Variants in PGAP1 observed in about 807,000 individuals in gnomAD.
PGAP1 encodes post-GPI attachment to proteins inositol deacylase 1.
A neutral mutation model predicts 127.0 loss-of-function variants in PGAP1; 76 were observed. The ratio of observed to expected loss-of-function variants is 0.60; its 90% CI spans 0.50 to 0.72. The LOEUF (loss-of-function observed/expected upper bound fraction) is 0.72. Ranked by LOEUF, PGAP1 falls within the 30% of genes least tolerant of loss-of-function variation. The probability of loss-of-function intolerance (pLI) is 0.00; values close to 1 mark genes in which losing one functional copy is unlikely to be tolerated. For missense variants in PGAP1, 982 were observed against 1,071.3 expected (o/e 0.92, Z 1.16); for synonymous variants, 362 against 366.5 (o/e 0.99, Z 0.14).
chr2:196,845,344 C>A (rs1319693464), intron 23 of PGAP1, among the ~76,000 whole-genome samples: 1 of 150,488 alleles, frequency 6.6e-6, no homozygotes, highest in African/African-American at 2.5e-5. Context: ...ACTTGTATTA[C>A]CTCCTGGATT....
chr2:196,846,073 C>A, intron 22 of PGAP1, 56 bp from the exon 23 acceptor site: 1 of 1,122,116 alleles, frequency 8.9e-7, no homozygotes, highest in South Asian at 2.1e-5. Flanking sequence ...TATATAGTCA[C>A]ATATAAGAAG....
chr2:196,843,589 C>T (rs963121049), intron 25 of PGAP1, among the ~76,000 whole-genome samples: 6 of 151,900 alleles, frequency 3.9e-5, no homozygotes, highest in African/African-American at 4.8e-5. Flanking sequence ...TTTATATTCC[C>T]GAAGTTTATA....
chr2:196,925,259 A>G (rs2125844522), intron 1 of PGAP1, among the ~76,000 whole-genome samples: 1 of 152,298 alleles, frequency 6.6e-6, no homozygotes, highest in East Asian at 1.9e-4. Context: ...TTTAAACCTT[A>G]AGTAGTCTTA....
rs149358908 is a variant in PGAP1 at position 196,880,867 on chromosome 2, T to C, written c.1273-714A>G. On this transcript the variant is annotated intron_variant, in intron 12 of 26. Transcript: ENST00000354764. ...GGTTTTTTTGTTTTCTTTCTTGTTT[T>C]AATTTAACTTTTATTTTAAGTTCAG... 2.0e-5 allele frequency among the ~76,000 whole-genome samples: 3 copies of C among 152,334 alleles called. No individual in the cohort carries two copies. The East Asian group carries it at 5.8e-4, about 29-fold the overall frequency.
intron 7 of PGAP1, among the ~76,000 whole-genome samples, chr2:196,894,574 G>A (rs377550506): frequency 6.6e-6 from 1 of 152,062 alleles, no homozygotes; most frequent in African/African-American, 2.4e-5. Context: ...AGGCCAAGAC[G>A]GGTGGATCAC....
At chr2:196,891,052 G>A (rs1238705472) in intron 9 of PGAP1, 141 bp from the exon 10 acceptor site, 4 of 554,678 alleles carry the variant, frequency 7.2e-6, no homozygotes, top group Non-Finnish European at 1.3e-5. Context: ...CTAGGAGTGG[G>A]AGAAGGAAGA....
chr2:196,874,820 C>A (rs994181248), intron 14 of PGAP1, among the ~76,000 whole-genome samples: 5 of 152,088 alleles, frequency 3.3e-5, no homozygotes, highest in African/African-American at 1.2e-4. Flanking sequence ...CTGAGACCAG[C>A]CTGGGCAATA....
At chr2:196,862,747 T>C (rs956733555) in intron 20 of PGAP1, among the ~76,000 whole-genome samples, 1 of 152,148 alleles carries the variant, frequency 6.6e-6, no homozygotes, top group Non-Finnish European at 1.5e-5. Flanking sequence ...CCCTGATACC[T>C]GTCTCTACTA....
intron 3 of PGAP1, among the ~76,000 whole-genome samples, chr2:196,913,705 A>G (rs1194730950): frequency 6.6e-6 from 1 of 152,176 alleles, no homozygotes; most frequent in African/African-American, 2.4e-5. Flanking sequence ...ATCGCTTCTC[A>G]ATGAATAGAC....
At chr2:196,888,518 A>T (rs1439929835) in intron 10 of PGAP1, among the ~76,000 whole-genome samples, 2 of 152,222 alleles carry the variant, frequency 1.3e-5, no homozygotes, top group Admixed American at 1.3e-4. Context: ...AACATAGGGG[A>T]TAGAAATACA....
intron 19 of PGAP1, among the ~76,000 whole-genome samples, chr2:196,869,888 G>C: frequency 6.6e-6 from 1 of 152,158 alleles, no homozygotes; most frequent in South Asian, 2.1e-4. Flanking sequence ...AAATGACTTA[G>C]AGTTAAAACA....
At chr2:196,862,863 A>T (rs1451621579) in intron 20 of PGAP1, among the ~76,000 whole-genome samples, 2 of 152,174 alleles carry the variant, frequency 1.3e-5, no homozygotes, top group African/African-American at 2.4e-5. Context: ...GGTTGTGGTG[A>T]GCTGAGATCA....
At chr2:196,842,048 TA>T (rs576737159) in intron 26 of PGAP1, among the ~76,000 whole-genome samples, 119 of 127,366 alleles carry the variant, frequency 9.3e-4, no homozygotes, top group Middle Eastern at 8.3e-3. Flanking sequence ...ACCCTACTTA[TA>T]AAAAAAAAAA....
At chr2:196,925,823 C>A (rs1703341668) in intron 1 of PGAP1, among the ~76,000 whole-genome samples, 1 of 152,078 alleles carries the variant, frequency 6.6e-6, no homozygotes, top group Non-Finnish European at 1.5e-5. Flanking sequence ...CCTTAACCTG[C>A]AAAATAAGAG....
At chr2:196,890,764 A>G (rs970806464) in intron 10 of PGAP1, 64 bp downstream of exon 10, 380 of 902,146 alleles carry the variant, frequency 4.2e-4, no homozygotes, top group Non-Finnish European at 4.0e-4. Context: ...GTCTACCAGT[A>G]GAATTTGAAA....
Position 196,840,964 on chromosome 2 carries a change from T to C in PGAP1, c.*270A>G. 1 of 289,794 alleles carries C rather than the reference T, an allele frequency of 3.5e-6. No individual in the cohort carries two copies. Among genetic ancestry groups the C allele is most frequent in the Admixed American group, 5.0e-5 (1 of 19,910 alleles). 18.0% of individuals were successfully genotyped at this position (289,794 alleles called of 1,614,324 possible). A position where few individuals can be genotyped will look rare whatever the true frequency, so the allele number is the denominator to read the frequency against. Reference sequence around the variant, plus strand: ...AGTTGATAAAACAGACTATTTTATATGCACAGGAGTCCTCAATGATAGTGA... The same window carrying C: ...AGTTGATAAAACAGACTATTTTATACGCACAGGAGTCCTCAATGATAGTGA... On this transcript the variant is annotated 3_prime_UTR_variant, in exon 27 of 27. Transcript: ENST00000354764.
At chr2:196,918,774 T>G (rs1035050623) in intron 2 of PGAP1, among the ~76,000 whole-genome samples, 1 of 152,214 alleles carries the variant, frequency 6.6e-6, no homozygotes, top group Admixed American at 6.5e-5. Context: ...GGTAATCTAC[T>G]TCTTGACTAG....
chr2:196,841,657 A>G (rs1331317326), intron 26 of PGAP1, among the ~76,000 whole-genome samples: 2 of 152,130 alleles, frequency 1.3e-5, no homozygotes, highest in African/African-American at 4.8e-5. Flanking sequence ...AGCTGGGACT[A>G]CAGGCGCCCG....
chr2:196,869,347 T>A (rs1446324633), intron 19 of PGAP1, among the ~76,000 whole-genome samples: 4 of 152,192 alleles, frequency 2.6e-5, no homozygotes, highest in Admixed American at 2.0e-4. Flanking sequence ...CCTTAACATT[T>A]TTTTTTGAGA....
Sources: gnomAD v4.1 joint callset for allele counts (sites outside exome capture counted in the v4.1 genomes callset) on GRCh38, gnomAD v4.1.1 for gene constraint, MANE v1.5 for transcripts, NCBI Gene and HGNC (gene_info 2026-07-23, HGNC 2026-07-21) for gene names.